PDE10A: variants seen among roughly 807,000 people sequenced by gnomAD.
The protein encoded by PDE10A is phosphodiesterase 10A, also known as cAMP and cAMP-inhibited cGMP 3',5'-cyclic phosphodiesterase 10A.
PDE10A carries 39 observed loss-of-function variants against 97.7 expected under a neutral mutation model. That is an observed-to-expected ratio of 0.40 (90% CI 0.31 to 0.52). The LOEUF is 0.52. PDE10A is among the 20% of genes least tolerant of loss of function. The probability of loss-of-function intolerance (pLI) is 0.56; values close to 1 mark genes in which losing one functional copy is unlikely to be tolerated. For missense variants in PDE10A, 731 were observed against 1,047.8 expected, an observed-to-expected ratio of 0.70 and a Z score of 4.17; for synonymous variants, 371 against 376.8, an observed-to-expected ratio of 0.98 and a Z score of 0.18.
chr6:165,606,791 G>C (rs566792662), intron 1 of PDE10A, among the ~76,000 whole-genome samples: 1 of 152,226 alleles, frequency 6.6e-6, no homozygotes, highest in Non-Finnish European at 1.5e-5. Flanking sequence ...GGCTTGGTGT[G>C]ACTGGACCAT....
At chr6:165,943,208 AAAGAAAGAAAG>A (rs1783606585) in intron 1 of PDE10A, among the ~76,000 whole-genome samples, 2 of 79,230 alleles carry the variant, frequency 2.5e-5, no homozygotes, top group Non-Finnish European at 5.2e-5. Flanking sequence ...AGAAAGAAAG[AAAGAAAGAAAG>A]AAAGAAAGAA....
At chr6:165,684,864 T>C (rs535937662) in intron 1 of PDE10A, among the ~76,000 whole-genome samples, 2 of 152,346 alleles carry the variant, frequency 1.3e-5, no homozygotes, top group South Asian at 4.1e-4. Context: ...CTCAAGATTT[T>C]GAATAACACT....
intron 1 of PDE10A, among the ~76,000 whole-genome samples, chr6:165,822,648 A>T (rs974303766): frequency 7.9e-5 from 12 of 151,896 alleles, no homozygotes; most frequent in African/African-American, 2.9e-4. Context: ...GGTACAAGAC[A>T]CTTATCACGA....
At chr6:165,906,018 TCCCTC>T (rs1562791973) in intron 1 of PDE10A, among the ~76,000 whole-genome samples, 3 of 20,220 alleles carry the variant, frequency 1.5e-4, no homozygotes, top group Non-Finnish European at 1.6e-4. Context: ...CTTCCTTCCC[TCCCTC>T]CCTTCCTTCC....
chr6:165,564,954 G>T (rs1784703057), intron 1 of PDE10A, among the ~76,000 whole-genome samples: 1 of 152,038 alleles, frequency 6.6e-6, no homozygotes, highest in Non-Finnish European at 1.5e-5. Context: ...TTGGCAGAAT[G>T]GATTTTTTAA....
intron 1 of PDE10A, among the ~76,000 whole-genome samples, chr6:165,656,491 C>A (rs535628051): frequency 6.6e-6 from 1 of 152,106 alleles, no homozygotes; most frequent in South Asian, 2.1e-4. Context: ...CCTCTCCCTG[C>A]AGTCACACAG....
intron 3 of PDE10A, among the ~76,000 whole-genome samples, chr6:165,466,155 C>T (rs1778636871): frequency 6.6e-6 from 1 of 152,072 alleles, no homozygotes; most frequent in Non-Finnish European, 1.5e-5. Context: ...ACTAATATTC[C>T]AAAAGAACAT....
intron 1 of PDE10A, among the ~76,000 whole-genome samples, chr6:165,694,666 C>A (rs9365910): frequency 0.079 from 11,957 of 152,304 alleles, 739 homozygotes; most frequent in East Asian, 0.26. Flanking sequence ...ACATGCCATG[C>A]TCTCTTAAAT....
chr6:165,684,078 C>T (rs930939386), intron 1 of PDE10A, among the ~76,000 whole-genome samples: 1 of 152,150 alleles, frequency 6.6e-6, no homozygotes, highest in Admixed American at 6.5e-5. Context: ...GCAGTGAGGC[C>T]TTCCCAGACC....
At chr6:165,886,308 G>GA (rs1781631571) in intron 1 of PDE10A, among the ~76,000 whole-genome samples, 1 of 150,302 alleles carries the variant, frequency 6.7e-6, no homozygotes, top group Admixed American at 6.6e-5. Context: ...TGGAGCCCTG[G>GA]ACCCCTGGAA....
At position 165,662,119 on chromosome 6, in the gene PDE10A, G is replaced by C; in HGVS notation, c.693C>G (p.Pro231=). Residue 231 remains proline (P), a synonymous_variant, in exon 1 of 22, where the codon CCC becomes CCG. Coordinates refer to ENST00000539869, the MANE Select transcript of PDE10A (RefSeq NM_001385079.1). ...CGCCTGGGCCGGCGCCGGGGAAGCC[G>C]GGGGAGCCCGCGCGGCGGGCGGCCT... The part of the protein sequence containing the change: ...LGQAARRAGS[P]GFPGAGPGGG... The C allele has an allele frequency of 7.2e-6, 7 of 976,796 alleles. No individual in the cohort carries two copies. Among genetic ancestry groups the C allele is most frequent in the Non-Finnish European group, 7.4e-6 (6 of 810,986 alleles). 60.5% of individuals were successfully genotyped at this position (976,796 alleles called of 1,614,324 possible).
intron 1 of PDE10A, among the ~76,000 whole-genome samples, chr6:165,886,156 GA>G (rs1376591733): frequency 1.3e-5 from 2 of 152,168 alleles, no homozygotes; most frequent in Non-Finnish European, 2.9e-5. Flanking sequence ...GGGCATAGCT[GA>G]ATTTATTAGG....
chr6:165,638,288 G>A (rs1043918460), intron 1 of PDE10A, among the ~76,000 whole-genome samples: 6 of 152,000 alleles, frequency 3.9e-5, no homozygotes, highest in Non-Finnish European at 4.4e-5. Flanking sequence ...TTATACTTCA[G>A]ATAACTTTTA....
chr6:165,665,728 A>C (rs1159381846), upstream of PDE10A, among the ~76,000 whole-genome samples: 1 of 152,092 alleles, frequency 6.6e-6, no homozygotes. Context: ...TTAAGAGGGT[A>C]GTTAACACCA....
At chr6:165,971,219 T>A (rs1305888690) in intron 1 of PDE10A, among the ~76,000 whole-genome samples, 2 of 152,190 alleles carry the variant, frequency 1.3e-5, no homozygotes, top group South Asian at 2.1e-4. Context: ...AAATTTTTTT[T>A]AAATGGCACA....
chr6:165,645,126 G>A (rs1275437752), intron 1 of PDE10A, among the ~76,000 whole-genome samples: 1 of 152,132 alleles, frequency 6.6e-6, no homozygotes, highest in African/African-American at 2.4e-5. Context: ...CCTACTTCAG[G>A]CGCACATCTG....
intron 2 of PDE10A, among the ~76,000 whole-genome samples, chr6:165,538,115 G>C (rs1783205135): frequency 6.6e-6 from 1 of 151,928 alleles, no homozygotes. Context: ...TCAAATAGTA[G>C]GTTTAGGGGG....
chr6:165,885,616 G>A (rs1265860329), intron 1 of PDE10A, among the ~76,000 whole-genome samples: 1 of 152,242 alleles, frequency 6.6e-6, no homozygotes, highest in East Asian at 1.9e-4. Context: ...ATGAACAGAG[G>A]TGCGGATCTC....
chr6:165,486,356 C>T lies in PDE10A; in HGVS notation c.995-4013G>A, dbSNP rs961339757. Among the ~76,000 whole-genome samples the T allele has an allele frequency of 4.6e-5, 7 of 152,166 alleles. No individual in the cohort carries two copies. In the East Asian group the frequency reaches 5.8e-4, roughly 13 times the overall value. ...ATACACATGGACAGAGCAGCTGCCA[C>T]GACTGGATGGCTTTCTGGTTTCACT... is the stretch of plus-strand genomic sequence containing the variant. On this transcript the variant is annotated intron_variant, in intron 2 of 21. Transcript: ENST00000539869.
Sources: allele counts gnomAD v4.1 joint callset (sites outside exome capture counted in the v4.1 genomes callset), GRCh38; gene constraint gnomAD v4.1.1; transcripts MANE v1.5; gene names NCBI Gene and HGNC (gene_info 2026-07-23, HGNC 2026-07-21).